The following RELN variants were observed in gnomAD, a reference collection of about 807,000 sequenced individuals.
RELN encodes the protein reelin.
RELN carries 108 observed loss-of-function variants against 427.6 expected under a neutral mutation model. The observed-to-expected ratio is 0.25, with a 90% confidence interval of 0.22 to 0.30. RELN has a LOEUF of 0.30. Ranked by LOEUF, RELN falls within the 10% of genes least tolerant of loss-of-function variation. The pLI is 1.00. For synonymous variants in RELN, 1,524 were observed against 1,513.4 expected (o/e 1.01, Z -0.16); for missense variants, 3,715 against 4,302.8 (o/e 0.86, Z 3.82).
At chr7:103,498,024 T>TG in intron 54 of RELN, 53 bp downstream of exon 54, 1 of 1,605,916 alleles carries the variant, frequency 6.2e-7, no homozygotes, top group South Asian at 1.1e-5. Flanking sequence ...TTCCTTGCTT[T>TG]GGGACCAATT....
chr7:103,734,581 C>T (rs1415225299), intron 6 of RELN, among the ~76,000 whole-genome samples: 2 of 152,158 alleles, frequency 1.3e-5, no homozygotes, highest in Non-Finnish European at 2.9e-5. Flanking sequence ...CAATTTATCA[C>T]ATGCTTAGGT....
chr7:103,646,477 T>G (rs1050844541), intron 16 of RELN, among the ~76,000 whole-genome samples: 1 of 151,838 alleles, frequency 6.6e-6, no homozygotes, highest in South Asian at 2.1e-4. Flanking sequence ...AGATAATCAG[T>G]GATTACTGTA....
In RELN at chr7:103,720,951, G is replaced by GCTA. The variant is rs150476147; in HGVS notation, c.805+2186_805+2188dup. Among the ~76,000 whole-genome samples, 57 of 152,252 alleles carry GCTA rather than the reference G, an allele frequency of 3.7e-4. No individual in the cohort carries two copies. The East Asian group carries it at 0.011, about 28-fold the overall frequency. On this transcript the variant is annotated intron_variant, in intron 8 of 64. Coordinates refer to ENST00000428762, the MANE Select transcript of RELN (RefSeq NM_005045.4). ...CCACACACCATACAACAGATGGTTT[G>GCTA]CTACTACATTGTTTCTTTGCCATTC...
intron 2 of RELN, among the ~76,000 whole-genome samples, chr7:103,859,795 G>A (rs1039512789): frequency 6.6e-6 from 1 of 152,060 alleles, no homozygotes; most frequent in Non-Finnish European, 1.5e-5. Flanking sequence ...TGTTTAGCAA[G>A]TTTTTAAAAA....
At chr7:103,602,394 C>T (rs796755730) in intron 24 of RELN, among the ~76,000 whole-genome samples, 23 of 152,268 alleles carry the variant, frequency 1.5e-4, no homozygotes, top group Middle Eastern at 3.4e-3. Flanking sequence ...ATGTTTACTG[C>T]GGCACTGTTC....
chr7:103,489,009 G>A (rs1562845716), intron 60 of RELN, among the ~76,000 whole-genome samples: 1 of 152,170 alleles, frequency 6.6e-6, no homozygotes, highest in Non-Finnish European at 1.5e-5. Flanking sequence ...TATGGAAAGC[G>A]AACTTTGTAA....
In RELN at chr7:103,953,103, ATTCAAGC is replaced by A. The variant is rs1172197826; in HGVS notation, c.227-35925_227-35919del. ...GTTCTCTTCCTCATCCCACGCGCTG[ATTCAAGC>A]TCCAAGATTCCTGCTCACTTCAAAG... is the stretch of plus-strand genomic sequence containing the variant. On this transcript the variant is annotated intron_variant, in intron 1 of 64. Transcript: ENST00000428762. This position sits in a 1 kb window ranked among gnomAD's most constrained non-coding sequence, Gnocchi z 4.3. 6.6e-6 allele frequency among the ~76,000 whole-genome samples: 1 copy of A among 152,128 alleles called. No homozygotes were observed. The highest frequency in any genetic ancestry group is 1.5e-5 in the Non-Finnish European group (1 of 68,024).
At chr7:103,980,451 C>T (rs553175451) in intron 1 of RELN, among the ~76,000 whole-genome samples, 2 of 152,130 alleles carry the variant, frequency 1.3e-5, no homozygotes, top group South Asian at 4.2e-4. Context: ...ATAAAATTAG[C>T]TTTTACTTTT....
intron 53 of RELN, among the ~76,000 whole-genome samples, chr7:103,500,498 A>G (rs1828991113): frequency 6.6e-6 from 1 of 152,192 alleles, no homozygotes; most frequent in African/African-American, 2.4e-5. Flanking sequence ...AAAGAAACCC[A>G]GAGTATTTAT....
At chr7:103,554,153 C>T (rs1481031652) in intron 38 of RELN, among the ~76,000 whole-genome samples, 1 of 151,476 alleles carries the variant, frequency 6.6e-6, no homozygotes, top group East Asian at 2.0e-4. Flanking sequence ...TGCCACTGCA[C>T]TCCAGCCTGG....
intron 3 of RELN, among the ~76,000 whole-genome samples, chr7:103,777,883 TCA>T (rs201873652): frequency 9.9e-4 from 142 of 143,924 alleles, no homozygotes; most frequent in Middle Eastern, 3.5e-3. Flanking sequence ...TGTTATACCT[TCA>T]CACACACACA....
intron 51 of RELN, 75 bp downstream of exon 51, chr7:103,510,776 T>A (rs1829380794): frequency 2.5e-6 from 3 of 1,203,182 alleles, no homozygotes; most frequent in Non-Finnish European, 1.2e-6. Context: ...AAATATTAGA[T>A]CATCTTTTCT....
At chr7:103,793,148 T>C (rs538793392) in intron 3 of RELN, among the ~76,000 whole-genome samples, 3 of 152,278 alleles carry the variant, frequency 2.0e-5, no homozygotes, top group Admixed American at 6.5e-5. Flanking sequence ...GAGAGAATAA[T>C]TTTTCTTTTG....
At chr7:103,917,210 A>C (rs773877928) in intron 1 of RELN, 25 bp from the exon 2 acceptor site, 14 of 1,527,176 alleles carry the variant, frequency 9.2e-6, no homozygotes, top group Non-Finnish European at 1.3e-5. Flanking sequence ...AGAAAAAAAA[A>C]ACTCTCAATA....
At chr7:103,943,248 G>A (rs551459314) in intron 1 of RELN, among the ~76,000 whole-genome samples, 3 of 152,280 alleles carry the variant, frequency 2.0e-5, no homozygotes, top group Admixed American at 1.3e-4. Context: ...TAACAGGAGT[G>A]GGTACCAAGT....
intron 1 of RELN, among the ~76,000 whole-genome samples, chr7:103,957,693 A>G (rs954122975): frequency 1.3e-5 from 2 of 152,100 alleles, no homozygotes; most frequent in African/African-American, 4.8e-5. Context: ...CTATCTTTCA[A>G]TGTACCTGTA....
intron 5 of RELN, among the ~76,000 whole-genome samples, chr7:103,752,981 C>A (rs866572815): frequency 1.1e-4 from 17 of 152,094 alleles, no homozygotes; most frequent in African/African-American, 4.1e-4. Context: ...CCTGCATGAG[C>A]CCCCCGCTGG....
chr7:103,589,057 C>T (rs1424487835), intron 28 of RELN, among the ~76,000 whole-genome samples: 1 of 152,134 alleles, frequency 6.6e-6, no homozygotes, highest in African/African-American at 2.4e-5. Context: ...AAAACTTTCT[C>T]AGTAAAGGGA....
intron 4 of RELN, among the ~76,000 whole-genome samples, chr7:103,756,579 A>G (rs569447055): frequency 6.6e-6 from 1 of 152,184 alleles, no homozygotes; most frequent in African/African-American, 2.4e-5. Context: ...ATATTTTATG[A>G]TATTTCAGAA....
Sources: gnomAD v4.1 joint callset for allele counts (sites outside exome capture counted in the v4.1 genomes callset) on GRCh38, gnomAD v4.1.1 for gene constraint, Gnocchi (gnomAD v3.1) non-coding constraint, MANE v1.5 for transcripts, NCBI Gene and HGNC (gene_info 2026-07-23, HGNC 2026-07-21) for gene names.